CRAMP1: variants seen among roughly 807,000 people sequenced by gnomAD.
CRAMP1 encodes protein cramped-like.
CRAMP1 carries 50 observed loss-of-function variants against 115.4 expected under a neutral mutation model. The ratio of observed to expected loss-of-function variants is 0.43; its 90% confidence interval spans 0.35 to 0.55. The LOEUF (loss-of-function observed/expected upper bound fraction) is 0.55, where lower values mean the gene tolerates loss of function less well. Ranked by LOEUF, CRAMP1 falls within the 20% of genes least tolerant of loss-of-function variation. The pLI is 0.01. For synonymous variants in CRAMP1, 866 were observed against 745.4 expected, an observed-to-expected ratio of 1.16 and a Z score of -2.64; for missense variants, 1,679 against 1,721.7, an observed-to-expected ratio of 0.98 and a Z score of 0.44.
In CRAMP1 at chr16:1,656,505, G is replaced by A. The variant is rs765434904; in HGVS notation, c.1748G>A (p.Arg583Gln). 60 of 1,568,510 alleles carry A rather than the reference G, an allele frequency of 3.8e-5. 1 individual carries two copies. Among genetic ancestry groups the A allele is most frequent in the South Asian group, 1.4e-4 (12 of 85,410 alleles). Reference protein sequence around the residue: ...VPEQCRCADTRPGSEQPPLGG... With the variant: ...VPEQCRCADTQPGSEQPPLGG... ...GAGCAGTGCCGCTGTGCGGACACAC[G>A]GCCTGGGAGCGAGCAGCCCCCTCTG... Residue 583 changes from arginine to glutamine, a missense_variant, in exon 10 of 21, where the codon CGG becomes CAG. By Grantham distance (43) the Arg-to-Gln change is conservative (BLOSUM62 1). Transcript: ENST00000397412. This position sits in a 1 kb window ranked among gnomAD's most constrained non-coding sequence, Gnocchi z 5.6.
intron 6 of CRAMP1, among the ~76,000 whole-genome samples, chr16:1,647,860 C>T (rs1052154717): frequency 5.9e-5 from 9 of 151,678 alleles, no homozygotes; most frequent in Non-Finnish European, 1.2e-4. Flanking sequence ...AGCCCTGTGC[C>T]GGGCCTATCT....
chr16:1,652,682 T>G (rs2036734998), intron 7 of CRAMP1, 101 bp downstream of exon 7: 1 of 1,035,484 alleles, frequency 9.7e-7, no homozygotes, highest in Non-Finnish European at 1.5e-6. Context: ...AGTTGCTTTG[T>G]GTCTGACCCT....
intron 6 of CRAMP1, among the ~76,000 whole-genome samples, chr16:1,643,572 G>A (rs2036650337): frequency 1.3e-5 from 2 of 152,040 alleles, no homozygotes; most frequent in Admixed American, 6.6e-5. Flanking sequence ...ACCCTCAGGT[G>A]GTTCTGCCGA....
intron 2 of CRAMP1, among the ~76,000 whole-genome samples, chr16:1,621,101 G>C (rs2036462201): frequency 6.6e-6 from 1 of 152,222 alleles, no homozygotes; most frequent in African/African-American, 2.4e-5. Context: ...CTGAGCAGCT[G>C]TGTGGCTTTG....
chr16:1,624,774 G>T (rs557795108), intron 2 of CRAMP1, among the ~76,000 whole-genome samples: 31 of 152,240 alleles, frequency 2.0e-4, no homozygotes, highest in Admixed American at 1.2e-3. Flanking sequence ...AGTAGAGACG[G>T]GGTTTCACAA....
At chr16:1,653,224 G>A (rs2036739680) in intron 8 of CRAMP1, 68 bp downstream of exon 8, 10 of 1,546,908 alleles carry the variant, frequency 6.5e-6, no homozygotes, top group Non-Finnish European at 8.7e-6. Flanking sequence ...ACGTGTGTGA[G>A]TTTCCCTCAA....
intron 3 of CRAMP1, among the ~76,000 whole-genome samples, chr16:1,629,503 G>T (rs1023366241): frequency 2.4e-4 from 36 of 152,226 alleles, no homozygotes; most frequent in African/African-American, 8.0e-4. Flanking sequence ...GGTGGGGCTT[G>T]CTGCCTTGGA....
At chr16:1,635,193 TG>T in intron 4 of CRAMP1, among the ~76,000 whole-genome samples, 2 of 152,314 alleles carry the variant, frequency 1.3e-5, no homozygotes, top group Middle Eastern at 6.8e-3. Flanking sequence ...CCACCACGCC[TG>T]GCCTGTGCTT....
rs759056569 is a variant in CRAMP1 at position 1,667,394 on chromosome 16, T to G, written c.3096T>G (p.Ser1032Arg). The G allele has an allele frequency of 4.0e-5, 65 of 1,612,392 alleles. No homozygotes were observed. The Admixed American group carries it at 1.1e-3, about 27-fold the overall frequency. The change falls in exon 17 of 21, where the codon AGT becomes AGG. Residue 1032 changes from serine to arginine, a missense_variant. Ser to Arg is a moderately radical substitution (Grantham distance 110). Transcript: ENST00000397412. ...CTGAGCAGGAGCCAGTGGCAGACAG[T>G]TTCCAGGTAGAGTGTGCTCTTGGGC... is the stretch of plus-strand genomic sequence containing the variant. ...SRPEQEPVAD[S>R]FQGSSVLSLS...
intron 4 of CRAMP1, among the ~76,000 whole-genome samples, chr16:1,637,590 A>G (rs571836984): frequency 3.9e-5 from 6 of 152,178 alleles, no homozygotes; most frequent in Non-Finnish European, 8.8e-5. Flanking sequence ...TCCTCTGCCT[A>G]TTGGGGTAAA....
chr16:1,616,956 A>AG, intron 2 of CRAMP1, among the ~76,000 whole-genome samples: 1 of 150,672 alleles, frequency 6.6e-6, no homozygotes, highest in South Asian at 2.1e-4. Flanking sequence ...CTGGGACTAC[A>AG]GGCGCCTGCC....
At position 1,666,241 on chromosome 16, in the gene CRAMP1, G is replaced by A. The variant is rs1296620437; in HGVS notation, c.2857+64G>A. On this transcript the variant is annotated intron_variant, in intron 15 of 20. Coordinates refer to ENST00000397412, the MANE Select transcript of CRAMP1 (RefSeq NM_020825.4). The surrounding 1 kb of genome is among the most constrained non-coding windows in gnomAD (Gnocchi z 5.0). ...CCTCTGAGGGATGTTTTTGTGACCA[G>A]GTTTTTTGAATGTTTTCTTCTCCAA... 8 of 1,301,730 alleles carry A rather than the reference G, an allele frequency of 6.1e-6. No individual in the cohort carries two copies. The African/African-American group carries it at 7.4e-5, about 12-fold the overall frequency. The allele number at this position is 1,301,730 out of a possible 1,614,324, so 80.6% of individuals were successfully genotyped here. A position where few individuals can be genotyped will look rare whatever the true frequency, so the allele number is the denominator to read the frequency against.
Position 1,674,334 on chromosome 16 carries a change from G to A in CRAMP1, c.*289G>A, listed in dbSNP as rs558595589. On this transcript the variant is annotated 3_prime_UTR_variant, in exon 21 of 21. Coordinates refer to ENST00000397412, the MANE Select transcript of CRAMP1 (RefSeq NM_020825.4). ...CTGCATAATGATCCCATTTCAGCCT[G>A]TGCTCTGCCTCGATTGTTGTGTTGG... 3 of 422,140 alleles carry A rather than the reference G, an allele frequency of 7.1e-6. No individual in the cohort carries two copies. The South Asian group carries it at 9.7e-5, about 14-fold the overall frequency. 26.1% of individuals were successfully genotyped at this position (422,140 alleles called of 1,614,324 possible). A position where few individuals can be genotyped will look rare whatever the true frequency, so the allele number is the denominator to read the frequency against.
At position 1,672,826 on chromosome 16, in the gene CRAMP1, C is replaced by T. The variant is rs2036933027; in HGVS notation, c.3646-1055C>T. 6.6e-6 allele frequency among the ~76,000 whole-genome samples: 1 copy of T among 152,242 alleles called. No individual in the cohort carries two copies. The highest frequency in any genetic ancestry group is 1.5e-5 in the Non-Finnish European group (1 of 68,044). ...GGGACAAGATCCCGGTGCCGAGGCC[C>T]TCCCGTCCTCCGTCTCCTCAGCTCT... On this transcript the variant is annotated intron_variant, in intron 20 of 20. Coordinates refer to ENST00000397412, the MANE Select transcript of CRAMP1 (RefSeq NM_020825.4). The surrounding 1 kb of genome is among the most constrained non-coding windows in gnomAD (Gnocchi z 4.9).
intron 6 of CRAMP1, among the ~76,000 whole-genome samples, chr16:1,652,276 C>G (rs746242426): frequency 7.9e-5 from 12 of 152,182 alleles, no homozygotes; most frequent in Non-Finnish European, 1.0e-4. Flanking sequence ...GCAGGTGTCC[C>G]TTGGAGTGTG....
At chr16:1,620,734 AC>A (rs1411783358) in intron 2 of CRAMP1, 1 of 453,336 alleles carries the variant, frequency 2.2e-6, no homozygotes, top group African/African-American at 2.0e-5. Context: ...TGAGGGAGGG[AC>A]TTTGAGGTTG....
chr16:1,666,392 A>G lies in CRAMP1; in HGVS notation c.2858-30A>G. The stretch of plus-strand genomic sequence containing the variant: ...ACATCTTATGGGTTGTCAGTAGAGC[A>G]GAGATGTGCAGCGTCCTTTTTGTTG... On this transcript the variant is annotated intron_variant, in intron 15 of 20. Coordinates refer to ENST00000397412, the MANE Select transcript of CRAMP1 (RefSeq NM_020825.4). The surrounding 1 kb of genome is among the most constrained non-coding windows in gnomAD (Gnocchi z 5.0). 1.3e-6 allele frequency: 2 copies of G among 1,596,944 alleles called. No individual in the cohort carries two copies. The highest frequency in any genetic ancestry group is 1.7e-6 in the Non-Finnish European group (2 of 1,170,184).
At chr16:1,673,543 G>A (rs566047433) in intron 20 of CRAMP1, among the ~76,000 whole-genome samples, 1 of 152,334 alleles carries the variant, frequency 6.6e-6, no homozygotes, top group East Asian at 1.9e-4. Flanking sequence ...ATCTGTTTCT[G>A]CAGGCTGCCC....
rs768480875 is a variant in CRAMP1 at position 1,665,079 on chromosome 16, C to T, written c.2693C>T (p.Ser898Leu). 1.9e-6 allele frequency: 3 copies of T among 1,612,602 alleles called. No homozygotes were observed. Among genetic ancestry groups the T allele is most frequent in the East Asian group, 2.2e-5 (1 of 44,882 alleles). The change falls in exon 14 of 21, where the codon TCG becomes TTG. Residue 898 changes from serine to leucine, a missense_variant. Physicochemically the swap from Ser to Leu is moderately radical, Grantham distance 145 (BLOSUM62 -2). Transcript: ENST00000397412. ...CAGAGAACACTGCTCCCTAGACCAT[C>T]GGAAAACCAGTCCCACAACGTTTGT... ...VVQRTLLPRP[S>L]ENQSHNVCSF...
Sources: allele counts gnomAD v4.1 joint callset (sites outside exome capture counted in the v4.1 genomes callset), GRCh38; gene constraint gnomAD v4.1.1; non-coding constraint Gnocchi (gnomAD v3.1); transcripts MANE v1.5; gene names NCBI Gene and HGNC (gene_info 2026-07-23, HGNC 2026-07-21).